Variants in XKR4 observed in about 807,000 individuals in gnomAD.
The protein encoded by XKR4 is XK-related protein 4.
In XKR4, 12 loss-of-function variants were observed where a neutral mutation model predicts 53.9. The observed-to-expected ratio is 0.22, with a 90% CI of 0.14 to 0.36. XKR4 has a LOEUF of 0.36. Ranked by LOEUF, XKR4 falls within the 10% of genes least tolerant of loss-of-function variation. The pLI is 1.00. For missense variants in XKR4, 799 were observed against 859.5 expected (o/e 0.93, Z 0.88); for synonymous variants, 354 against 362.4 (o/e 0.98, Z 0.26).
Position 55,457,422 on chromosome 8 carries a change from G to T in XKR4, c.1007-65859G>T, listed in dbSNP as rs112595163. On this transcript the variant is annotated intron_variant, in intron 2 of 2. Coordinates refer to ENST00000327381, the MANE Select transcript of XKR4 (RefSeq NM_052898.2). ...CTCCCAAAGTGCTGGGATTATAGGC[G>T]TGAGCCACCGTGCCTGGCTTTGCTG... 3.0e-3 allele frequency among the ~76,000 whole-genome samples: 451 copies of T among 152,286 alleles called. 4 individuals carry two copies. Among genetic ancestry groups the T allele is most frequent in the African/African-American group, 0.01 (426 of 41,564 alleles).
intron 2 of XKR4, among the ~76,000 whole-genome samples, chr8:55,459,074 C>G (rs1563356392): frequency 6.6e-6 from 1 of 152,048 alleles, no homozygotes; most frequent in Non-Finnish European, 1.5e-5. Flanking sequence ...GTAATAAAGA[C>G]AGAGAAATAA....
chr8:55,163,104 C>T (rs1457524667), intron 1 of XKR4, among the ~76,000 whole-genome samples: 2 of 152,188 alleles, frequency 1.3e-5, no homozygotes, highest in East Asian at 1.9e-4. Flanking sequence ...ATTTCAGTGA[C>T]AGTAGAATGT....
rs1585879018 is a variant in XKR4 at position 55,103,213 on chromosome 8, A to G, written c.725A>G (p.Lys242Arg). ...AGCGGGGCTACCCGGGCCAGTGGCA[A>G]GCACAGGTCTGCGTCCTGCTCCTTC... ...NSSGATRASG[K>R]HRSASCSFCI... Residue 242 changes from lysine (K) to arginine (R), a missense_variant, in exon 1 of 3, where the codon AAG becomes AGG. Physicochemically the swap from Lys to Arg is conservative, Grantham distance 26. This residue lies in a region of XKR4 where 476 missense variants were observed against 505.4 expected (regional missense o/e 0.94). Coordinates refer to ENST00000327381, the MANE Select transcript of XKR4 (RefSeq NM_052898.2). 1 of 1,614,124 alleles carries G rather than the reference A, an allele frequency of 6.2e-7. No individual in the cohort carries two copies. Among genetic ancestry groups the G allele is most frequent in the Middle Eastern group, 1.6e-4 (1 of 6,062 alleles).
chr8:55,532,690 G>A lies in XKR4; in HGVS notation c.*8463G>A, dbSNP rs140572268. 0.024 allele frequency: 3,667 copies of A among 151,584 alleles called. 149 individuals carry two copies. Among genetic ancestry groups the A allele is most frequent in the African/African-American group, 0.084 (3,477 of 41,228 alleles). 9.4% of individuals were successfully genotyped at this position (151,584 alleles called of 1,614,324 possible). Reference sequence around the variant, plus strand: ...CGGGCGCCTGTGGTCCCAGCTACTCGGGAGGCTGAGGCAGGAGAATGGCAT... The same window carrying A: ...CGGGCGCCTGTGGTCCCAGCTACTCAGGAGGCTGAGGCAGGAGAATGGCAT... On this transcript the variant is annotated 3_prime_UTR_variant, in exon 3 of 3. Transcript: ENST00000327381.
In XKR4 at chr8:55,204,952, T is replaced by C. The variant is rs533755154; in HGVS notation, c.806+101658T>C. Among the ~76,000 whole-genome samples, 32 of 152,302 alleles carry C rather than the reference T, an allele frequency of 2.1e-4. No individual in the cohort carries two copies. In the East Asian group the frequency reaches 6.0e-3, roughly 28 times the overall value. On this transcript the variant is annotated intron_variant, in intron 1 of 2. Transcript: ENST00000327381. Reference sequence around the variant, plus strand: ...TTAGATGACATGGAAGGCAGCTGGGTGGGCCCTTGGTGCCTGGCTAGGCAC... The same window carrying C: ...TTAGATGACATGGAAGGCAGCTGGGCGGGCCCTTGGTGCCTGGCTAGGCAC...
At chr8:55,376,516 T>C (rs1170954195) in intron 2 of XKR4, among the ~76,000 whole-genome samples, 5 of 152,164 alleles carry the variant, frequency 3.3e-5, no homozygotes, top group Non-Finnish European at 5.9e-5. Flanking sequence ...TGGCCACATG[T>C]ATGTCTTTTT....
At chr8:55,399,161 C>T (rs1585555883) in intron 2 of XKR4, among the ~76,000 whole-genome samples, 1 of 152,332 alleles carries the variant, frequency 6.6e-6, no homozygotes, top group Non-Finnish European at 1.5e-5. Context: ...CTGACACTGA[C>T]TTCCAGTGGG....
intron 1 of XKR4, among the ~76,000 whole-genome samples, chr8:55,265,854 A>G (rs969203273): frequency 8.6e-5 from 13 of 151,674 alleles, no homozygotes; most frequent in South Asian, 2.1e-4. Context: ...GTGTGGTGGC[A>G]TGCACCTGTA....
chr8:55,159,324 G>T (rs191612074), intron 1 of XKR4, among the ~76,000 whole-genome samples: 4 of 152,072 alleles, frequency 2.6e-5, no homozygotes, highest in African/African-American at 9.7e-5. Flanking sequence ...GGGATATGTC[G>T]ATGAACAAAG....
chr8:55,265,739 G>A (rs573587086), intron 1 of XKR4, among the ~76,000 whole-genome samples: 8 of 152,002 alleles, frequency 5.3e-5, no homozygotes, highest in Non-Finnish European at 2.9e-5. Context: ...CAGCATTTTG[G>A]GGGGGTCAAG....
At chr8:55,386,418 A>G (rs1804316080) in intron 2 of XKR4, among the ~76,000 whole-genome samples, 1 of 152,228 alleles carries the variant, frequency 6.6e-6, no homozygotes, top group African/African-American at 2.4e-5. Flanking sequence ...GATGAAAGCC[A>G]TTTTTATAAA....
chr8:55,352,700 G>A (rs935830088), intron 1 of XKR4, among the ~76,000 whole-genome samples: 1 of 152,270 alleles, frequency 6.6e-6, no homozygotes, highest in African/African-American at 2.4e-5. Flanking sequence ...CTATGTGATT[G>A]GTACTGTGAT....
At chr8:55,387,892 G>A (rs553052171) in intron 2 of XKR4, among the ~76,000 whole-genome samples, 1 of 152,298 alleles carries the variant, frequency 6.6e-6, no homozygotes, top group African/African-American at 2.4e-5. Flanking sequence ...GTCACACTGA[G>A]CTGAGAGATG....
chr8:55,262,670 C>T (rs776603845), intron 1 of XKR4, among the ~76,000 whole-genome samples: 5 of 152,186 alleles, frequency 3.3e-5, no homozygotes, highest in Admixed American at 2.0e-4. Context: ...CTTGAACTTC[C>T]CGGCTTCCAG....
At chr8:55,467,381 C>T (rs1370876308) in intron 2 of XKR4, among the ~76,000 whole-genome samples, 1 of 152,100 alleles carries the variant, frequency 6.6e-6, no homozygotes, top group East Asian at 1.9e-4. Context: ...TGCAAAATCT[C>T]TTAACCTTTG....
rs1213290797 is a variant in XKR4, at chr8:55,171,701, C to CCA, written c.806+68407_806+68408insCA. 1.3e-3 allele frequency among the ~76,000 whole-genome samples: 192 copies of CCA among 152,298 alleles called. 1 individual carries two copies. The highest frequency in any genetic ancestry group is 4.4e-3 in the African/African-American group (182 of 41,570). ...GCAGCCTGCCAACACTGACAGCCTA[C>CCA]ACTGTCAGCCACAGACCCAGGCATT... On this transcript the variant is annotated intron_variant, in intron 1 of 2. Transcript: ENST00000327381.
chr8:55,332,081 CT>C (rs1352845646), intron 1 of XKR4, among the ~76,000 whole-genome samples: 2 of 151,924 alleles, frequency 1.3e-5, no homozygotes, highest in Non-Finnish European at 2.9e-5. Context: ...TTTTGATCAC[CT>C]TCTCGTTTCC....
Position 55,469,671 on chromosome 8 carries a change from G to A in XKR4, c.1007-53610G>A, listed in dbSNP as rs1050117853. On this transcript the variant is annotated intron_variant, in intron 2 of 2. Transcript: ENST00000327381. ...TAAAAATCTATGTAGAAGACAATGAGGATAGAGTGTGTTAGAGCTGTACGG... is the reference window on the plus strand; with the variant it reads ...TAAAAATCTATGTAGAAGACAATGAAGATAGAGTGTGTTAGAGCTGTACGG... Among the ~76,000 whole-genome samples, 17 of 152,278 alleles carry A rather than the reference G, an allele frequency of 1.1e-4. 1 individual carries two copies. The South Asian group carries it at 3.5e-3, about 32-fold the overall frequency.
intron 1 of XKR4, among the ~76,000 whole-genome samples, chr8:55,344,552 C>T (rs1803607008): frequency 6.6e-6 from 1 of 151,928 alleles, no homozygotes; most frequent in Admixed American, 6.6e-5. Context: ...CAAATAGTAA[C>T]CACTGCTCTA....
Sources: gnomAD v4.1 joint callset for allele counts (sites outside exome capture counted in the v4.1 genomes callset) on GRCh38, gnomAD v4.1.1 for gene constraint, gnomAD v4.1.1 regional missense constraint, MANE v1.5 for transcripts, NCBI Gene and HGNC (gene_info 2026-07-23, HGNC 2026-07-21) for gene names.